Variants in C1orf146 observed in about 807,000 individuals in gnomAD.
C1orf146 encodes the protein protein SPO16 homolog.
In C1orf146, 22 loss-of-function variants were observed where a neutral mutation model predicts 23.0. That is an observed-to-expected ratio of 0.96 (90% CI 0.68 to 1.36). C1orf146 has a LOEUF of 1.36. Among genes scored for constraint, C1orf146 ranks in the 40% most tolerant of loss-of-function variants. The probability of loss-of-function intolerance (pLI) is 0.00; values close to 1 mark genes in which losing one functional copy is unlikely to be tolerated. For synonymous variants in C1orf146, 59 were observed against 65.3 expected (o/e 0.90, Z 0.47); for missense variants, 199 against 206.8 (o/e 0.96, Z 0.23).
intron 1 of C1orf146, among the ~76,000 whole-genome samples, chr1:92,220,924 C>T (rs554646078): frequency 2.5e-4 from 38 of 152,146 alleles, no homozygotes; most frequent in Non-Finnish European, 4.0e-4. Flanking sequence ...TTACAGGTTA[C>T]GAGTATCTTC....
chr1:92,244,824 A>G lies in C1orf146; in HGVS notation c.375A>G (p.Val125=), dbSNP rs1381271128. The change falls in exon 5 of 6, where the codon GTA becomes GTG. Residue 125 remains valine (V), a synonymous_variant. Transcript: ENST00000370375. ...NLRILPVHNT[V]NAINLMCTIA... The stretch of plus-strand genomic sequence containing the variant: ...GAATACTTCCAGTACACAACACAGT[A>G]AATGCTATTAATCTTATGTGCACTA... The G allele has an allele frequency of 1.2e-6, 2 of 1,608,628 alleles. No homozygotes were observed. Among genetic ancestry groups the G allele is most frequent in the African/African-American group, 2.7e-5 (2 of 74,870 alleles).
At chr1:92,221,352 A>G (rs1182562345) in intron 1 of C1orf146, among the ~76,000 whole-genome samples, 2 of 152,134 alleles carry the variant, frequency 1.3e-5, no homozygotes, top group Non-Finnish European at 2.9e-5. Flanking sequence ...AGGAAGGAGG[A>G]TAAGGGCTGA....
chr1:92,233,490 C>T (rs1269732193), intron 2 of C1orf146, among the ~76,000 whole-genome samples: 1 of 152,042 alleles, frequency 6.6e-6, no homozygotes, highest in South Asian at 2.1e-4. Flanking sequence ...GGTACCAGTA[C>T]CATGCTGTTT....
chr1:92,236,240 C>T (rs1485501530), intron 2 of C1orf146, among the ~76,000 whole-genome samples: 1 of 151,960 alleles, frequency 6.6e-6, no homozygotes, highest in Non-Finnish European at 1.5e-5. Flanking sequence ...TTTGCAGCGG[C>T]TGGTACCGGT....
chr1:92,226,866 A>C (rs1490324064), intron 1 of C1orf146, among the ~76,000 whole-genome samples: 1 of 151,844 alleles, frequency 6.6e-6, no homozygotes, highest in Non-Finnish European at 1.5e-5. Flanking sequence ...TGGACTTCTG[A>C]AGTGTTTTTG....
intron 1 of C1orf146, among the ~76,000 whole-genome samples, chr1:92,221,729 A>T (rs1257318441): frequency 6.6e-6 from 1 of 152,124 alleles, no homozygotes; most frequent in Non-Finnish European, 1.5e-5. Flanking sequence ...TCTTTGCTTG[A>T]TTTCAACTGC....
chr1:92,226,969 A>G (rs1651984043), intron 1 of C1orf146, among the ~76,000 whole-genome samples: 1 of 152,210 alleles, frequency 6.6e-6, no homozygotes, highest in African/African-American at 2.4e-5. Context: ...TACAAAATGC[A>G]TGATTGACTT....
At chr1:92,226,492 TG>T (rs1651972860) in intron 1 of C1orf146, among the ~76,000 whole-genome samples, 1 of 152,130 alleles carries the variant, frequency 6.6e-6, no homozygotes, top group Non-Finnish European at 1.5e-5. Flanking sequence ...TTAAGAGAAC[TG>T]AGGAAAATAC....
intron 1 of C1orf146, among the ~76,000 whole-genome samples, chr1:92,220,702 T>C (rs1651798255): frequency 6.6e-6 from 1 of 152,238 alleles, no homozygotes; most frequent in Admixed American, 6.5e-5. Flanking sequence ...TGTATTCTTC[T>C]GTATCTATAT....
rs766971570 is a variant in C1orf146 at position 92,245,688 on chromosome 1, T to C, written c.*14T>C. 2 of 1,508,788 alleles carry C rather than the reference T, an allele frequency of 1.3e-6. No homozygotes were observed. The highest frequency in any genetic ancestry group is 4.8e-5 in the East Asian group (2 of 41,470). The allele number at this position is 1,508,788 out of a possible 1,614,324, so 93.5% of individuals were successfully genotyped here. On this transcript the variant is annotated 3_prime_UTR_variant, in exon 6 of 6. Transcript: ENST00000370375. The stretch of plus-strand genomic sequence containing the variant: ...AACCCAAATTAGAGTACCAACTTAA[T>C]GTTTTTCTCGAAGAATGTGAAAATA...
chr1:92,226,688 G>C (rs1008173083), intron 1 of C1orf146, among the ~76,000 whole-genome samples: 8 of 152,020 alleles, frequency 5.3e-5, no homozygotes, highest in African/African-American at 9.7e-5. Flanking sequence ...TTTATTGTAA[G>C]CAGCATATGG....
rs1190109295 is a variant in C1orf146 at position 92,244,497 on chromosome 1, CTA to C, written c.329+114_329+115del. The C allele has an allele frequency of 9.7e-6, 8 of 828,540 alleles. No individual in the cohort carries two copies. In the South Asian group the frequency reaches 1.4e-4, roughly 15 times the overall value. 51.3% of individuals were successfully genotyped at this position (828,540 alleles called of 1,614,324 possible). On this transcript the variant is annotated intron_variant, in intron 4 of 5. Transcript: ENST00000370375. Reference sequence around the variant, plus strand: ...AGATGATGAACACTGTGATGTTAACCTATCAAATTTAATGAAACATGGGCCAA... The same window carrying C: ...AGATGATGAACACTGTGATGTTAACCTCAAATTTAATGAAACATGGGCCAA...
chr1:92,238,349 G>A (rs992628076), intron 2 of C1orf146, among the ~76,000 whole-genome samples: 1 of 152,122 alleles, frequency 6.6e-6, no homozygotes, highest in Non-Finnish European at 1.5e-5. Context: ...TTTTTGTTTT[G>A]GTTTGGTTTT....
At chr1:92,238,184 G>A (rs901772446) in intron 2 of C1orf146, among the ~76,000 whole-genome samples, 5 of 152,102 alleles carry the variant, frequency 3.3e-5, no homozygotes, top group Non-Finnish European at 5.9e-5. Context: ...CAACCTGCAC[G>A]ATGGCTTCCA....
intron 2 of C1orf146, among the ~76,000 whole-genome samples, chr1:92,234,210 C>T (rs7513617): frequency 0.47 from 71,822 of 151,890 alleles, 18,007 homozygotes; most frequent in East Asian, 0.96. Context: ...GGAATGCTTC[C>T]AGTTTTTGCC....
At chr1:92,229,594 A>G (rs577358424) in intron 1 of C1orf146, among the ~76,000 whole-genome samples, 6 of 152,244 alleles carry the variant, frequency 3.9e-5, no homozygotes, top group Admixed American at 2.0e-4. Context: ...TCCAGTGTGC[A>G]GCAAGAACAA....
intron 2 of C1orf146, among the ~76,000 whole-genome samples, chr1:92,241,993 T>A (rs531554001): frequency 2.6e-5 from 4 of 152,350 alleles, no homozygotes; most frequent in Admixed American, 2.6e-4. Context: ...CTGTAGTACG[T>A]AACTCACTCC....
intron 4 of C1orf146, 119 bp from the exon 5 acceptor site, chr1:92,244,660 G>A (rs1019280258): frequency 1.5e-6 from 1 of 677,424 alleles, no homozygotes; most frequent in Non-Finnish European, 2.5e-6. Flanking sequence ...GTGGAGTAAG[G>A]CAGGGCATGA....
rs1434109153 is a variant in C1orf146, at chr1:92,245,548, C to CA, written c.420dup (p.Pro141ThrfsTer5). ...TTTATATCTTCTTCCAGACTACCTCCAAACCATACATAGATAGCATTTGCT... is the reference window on the plus strand; with the variant it reads ...TTTATATCTTCTTCCAGACTACCTCCAAAACCATACATAGATAGCATTTGCT... On this transcript the variant is annotated frameshift_variant, in exon 6 of 6. Transcript: ENST00000370375. LOFTEE classifies it high-confidence loss of function. The CA allele has an allele frequency of 2.5e-6, 4 of 1,593,050 alleles. No homozygotes were observed. The highest frequency in any genetic ancestry group is 3.4e-6 in the Non-Finnish European group (4 of 1,172,360).
Sources: allele counts gnomAD v4.1 joint callset (sites outside exome capture counted in the v4.1 genomes callset), GRCh38; gene constraint gnomAD v4.1.1; transcripts MANE v1.5; gene names NCBI Gene and HGNC (gene_info 2026-07-23, HGNC 2026-07-21).